The following LAMC1 variants were observed in gnomAD, a reference collection of about 807,000 sequenced individuals.
LAMC1 encodes laminin subunit gamma-1.
A neutral mutation model predicts 173.6 loss-of-function variants in LAMC1; 38 were observed. That is an observed-to-expected ratio of 0.22 (90% CI 0.17 to 0.29). The LOEUF (loss-of-function observed/expected upper bound fraction) is 0.29, where lower values mean the gene tolerates loss of function less well. Ranked by LOEUF, LAMC1 falls within the 10% of genes least tolerant of loss-of-function variation. The pLI is 1.00. For synonymous variants in LAMC1, 746 were observed against 749.1 expected (o/e 1.00, Z 0.07); for missense variants, 1,824 against 2,051.8 (o/e 0.89, Z 2.14).
At chr1:183,131,612 T>C (rs1656794117) in intron 20 of LAMC1, among the ~76,000 whole-genome samples, 1 of 152,210 alleles carries the variant, frequency 6.6e-6, no homozygotes, top group Non-Finnish European at 1.5e-5. Context: ...AATACAATGG[T>C]TTGAAGACAA....
intron 1 of LAMC1, among the ~76,000 whole-genome samples, chr1:183,100,151 CGGCTTCCTACACCTCACTGA>C (rs1018294880): frequency 6.6e-6 from 1 of 152,140 alleles, no homozygotes; most frequent in Admixed American, 6.5e-5. Flanking sequence ...CTATTGAAAA[CGGCTTCCTACACCTCACTGA>C]GGTCCATTCA....
chr1:183,082,915 C>T (rs1330616383), intron 1 of LAMC1, among the ~76,000 whole-genome samples: 1 of 152,186 alleles, frequency 6.6e-6, no homozygotes, highest in African/African-American at 2.4e-5. Flanking sequence ...ATAATACCAT[C>T]ATTTGTAATG....
chr1:183,027,611 C>T (rs1280228783), intron 1 of LAMC1, among the ~76,000 whole-genome samples: 2 of 152,096 alleles, frequency 1.3e-5, no homozygotes, highest in African/African-American at 2.4e-5. Flanking sequence ...TTATGAAACT[C>T]CTAAAATTAA....
At chr1:183,091,627 G>T (rs540068706) in intron 1 of LAMC1, among the ~76,000 whole-genome samples, 3 of 152,114 alleles carry the variant, frequency 2.0e-5, no homozygotes, top group African/African-American at 7.2e-5. Context: ...TTCTATGCTA[G>T]TCTGTAGCCA....
At chr1:183,028,150 TC>T (rs1553252306) in intron 1 of LAMC1, among the ~76,000 whole-genome samples, 1 of 145,648 alleles carries the variant, frequency 6.9e-6, no homozygotes, top group African/African-American at 2.5e-5. Flanking sequence ...TATAAGGCAT[TC>T]CTCCCCCCCC....
chr1:183,118,550 C>T (rs562022208), intron 11 of LAMC1, among the ~76,000 whole-genome samples: 1 of 152,054 alleles, frequency 6.6e-6, no homozygotes, highest in African/African-American at 2.4e-5. Context: ...TGGTGGAACC[C>T]CGTCTCTATT....
At position 183,078,311 on chromosome 1, in the gene LAMC1, G is replaced by A. The variant is rs554317490; in HGVS notation, c.419-25017G>A. On this transcript the variant is annotated intron_variant, in intron 1 of 27. Transcript: ENST00000258341. ...TTTAACAGATGAGCTGGTCAGGCGC[G>A]GTGGCTCATGCCTGTAATCCCAGCA... Among the ~76,000 whole-genome samples, 7 of 152,272 alleles carry A rather than the reference G, an allele frequency of 4.6e-5. No individual in the cohort carries two copies. The East Asian group carries it at 9.7e-4, about 21-fold the overall frequency.
chr1:183,128,865 C>G (rs1034537058), intron 18 of LAMC1, 115 bp downstream of exon 18: 3 of 787,374 alleles, frequency 3.8e-6, no homozygotes, highest in Non-Finnish European at 3.6e-6. Context: ...TTAAACTACT[C>G]ATAGATTATA....
At chr1:183,054,976 A>T (rs1298352795) in intron 1 of LAMC1, among the ~76,000 whole-genome samples, 1 of 145,988 alleles carries the variant, frequency 6.8e-6, no homozygotes, top group African/African-American at 2.5e-5. Context: ...GATTAGTGAG[A>T]ACTTTGTGCA....
intron 4 of LAMC1, among the ~76,000 whole-genome samples, chr1:183,113,474 C>A (rs1188323243): frequency 6.6e-6 from 1 of 152,126 alleles, no homozygotes; most frequent in African/African-American, 2.4e-5. Flanking sequence ...AAGATACTGT[C>A]TACATTTTGG....
intron 1 of LAMC1, among the ~76,000 whole-genome samples, chr1:183,046,309 T>G (rs190147154): frequency 5.7e-4 from 87 of 152,222 alleles, no homozygotes; most frequent in Middle Eastern, 3.4e-3. Flanking sequence ...ATCTTAGCTA[T>G]GTTTAGGCCT....
At chr1:183,134,441 A>G (rs550492752) in intron 22 of LAMC1, among the ~76,000 whole-genome samples, 11 of 152,194 alleles carry the variant, frequency 7.2e-5, no homozygotes, top group South Asian at 4.1e-4. Flanking sequence ...GGTTATGCAG[A>G]AATGCATTTG....
chr1:183,058,713 C>T (rs1654665080), intron 1 of LAMC1, among the ~76,000 whole-genome samples: 1 of 152,150 alleles, frequency 6.6e-6, no homozygotes, highest in Admixed American at 6.5e-5. Flanking sequence ...TGAAATATTT[C>T]TTCTGTCTGT....
intron 1 of LAMC1, among the ~76,000 whole-genome samples, chr1:183,061,059 G>A (rs774670737): frequency 7.9e-5 from 12 of 152,148 alleles, no homozygotes; most frequent in Non-Finnish European, 7.4e-5. Context: ...TTAAGTTATT[G>A]TAGCAATCCA....
intron 1 of LAMC1, among the ~76,000 whole-genome samples, chr1:183,079,231 G>GTTTTTTTTT (rs1262239438): frequency 2.1e-5 from 2 of 95,620 alleles, no homozygotes; most frequent in Admixed American, 1.3e-4. Context: ...TCTCTAATCT[G>GTTTTTTTTT]GTTTTTTTTT....
intron 23 of LAMC1, 113 bp from the exon 24 acceptor site, chr1:183,134,929 C>T: frequency 7.5e-7 from 1 of 1,337,078 alleles, no homozygotes; most frequent in South Asian, 1.2e-5. Flanking sequence ...AGCAGCCTAA[C>T]AGATTTTATG....
At chr1:183,059,254 C>T (rs563358521) in intron 1 of LAMC1, among the ~76,000 whole-genome samples, 1 of 152,210 alleles carries the variant, frequency 6.6e-6, no homozygotes, top group South Asian at 2.1e-4. Flanking sequence ...TCAGGCTCAG[C>T]TTCCTGGTTT....
chr1:183,114,598 T>C lies in LAMC1; in HGVS notation c.1089T>C (p.His363=), dbSNP rs756498705. 6.2e-7 allele frequency: 1 copy of C among 1,614,158 alleles called. No individual in the cohort carries two copies. The highest frequency in any genetic ancestry group is 1.1e-5 in the South Asian group (1 of 91,082). ...FDPELYRSTG[H]GGHCTNCQDN... ...CTGAACTCTATCGTTCCACTGGCCA[T>C]GGGGGCCACTGTACCAACTGCCAGG... The change falls in exon 5 of 28, where the codon CAT becomes CAC. Residue 363 remains histidine (H), a synonymous_variant. Coordinates refer to ENST00000258341, the MANE Select transcript of LAMC1 (RefSeq NM_002293.4).
rs147401305 is a variant in LAMC1, at chr1:183,121,905, G to T, written c.2173G>T (p.Ala725Ser). 1 of 1,614,056 alleles carries T rather than the reference G, an allele frequency of 6.2e-7. No individual in the cohort carries two copies. The highest frequency in any genetic ancestry group is 8.5e-7 in the Non-Finnish European group (1 of 1,180,036). ...LGPYSPCVLCACNGHSETCDP... is the reference protein window; with the variant it reads ...LGPYSPCVLCSCNGHSETCDP... ...ACCATACAGTCCATGTGTGCTTTGCGCCTGCAATGGACACAGCGAGACCTG... is the reference window on the plus strand; with the variant it reads ...ACCATACAGTCCATGTGTGCTTTGCTCCTGCAATGGACACAGCGAGACCTG... The change falls in exon 12 of 28, where the codon GCC becomes TCC. Residue 725 changes from alanine to serine, a missense_variant. Transcript: ENST00000258341.
Sources: allele counts gnomAD v4.1 joint callset (sites outside exome capture counted in the v4.1 genomes callset), GRCh38; gene constraint gnomAD v4.1.1; transcripts MANE v1.5; gene names NCBI Gene and HGNC (gene_info 2026-07-23, HGNC 2026-07-21).